Variants in VWC2L observed in about 807,000 individuals in gnomAD.
VWC2L encodes von Willebrand factor C domain-containing protein 2-like.
VWC2L carries 10 observed loss-of-function variants against 21.6 expected under a neutral mutation model. That is an observed-to-expected ratio of 0.46 (90% CI 0.29 to 0.78). The LOEUF (loss-of-function observed/expected upper bound fraction) is 0.78. Ranked by LOEUF, VWC2L falls within the 30% of genes least tolerant of loss-of-function variation. The probability of loss-of-function intolerance (pLI) is 0.10; values close to 1 mark genes in which losing one functional copy is unlikely to be tolerated. For missense variants in VWC2L, 209 were observed against 277.1 expected (o/e 0.75, Z 1.74); for synonymous variants, 96 against 94.3 (o/e 1.02, Z -0.10).
At chr2:214,422,716 G>C (rs897714905) in intron 2 of VWC2L, among the ~76,000 whole-genome samples, 1 of 152,092 alleles carries the variant, frequency 6.6e-6, no homozygotes. Context: ...CTTGCCTCTA[G>C]CCTGCTGTAG....
At chr2:214,416,715 AT>A (rs1328441965) in intron 2 of VWC2L, among the ~76,000 whole-genome samples, 1 of 152,098 alleles carries the variant, frequency 6.6e-6, no homozygotes, top group East Asian at 1.9e-4. Context: ...TTGGATATAA[AT>A]TTTTGAATGG....
intron 3 of VWC2L, among the ~76,000 whole-genome samples, chr2:214,463,722 C>T (rs964639854): frequency 1.3e-5 from 2 of 151,904 alleles, no homozygotes; most frequent in African/African-American, 4.8e-5. Context: ...TTAGTAGTTG[C>T]TTTGAAGTTT....
At chr2:214,432,176 T>C (rs1396062981) in intron 2 of VWC2L, among the ~76,000 whole-genome samples, 1 of 152,244 alleles carries the variant, frequency 6.6e-6, no homozygotes, top group Admixed American at 6.5e-5. Context: ...AAACATAGAT[T>C]ATACATAAAT....
chr2:214,507,904 A>C (rs908434389), intron 3 of VWC2L, among the ~76,000 whole-genome samples: 1 of 152,112 alleles, frequency 6.6e-6, no homozygotes, highest in South Asian at 2.1e-4. Flanking sequence ...ATCTTATTAG[A>C]TGTTATATTC....
intron 3 of VWC2L, among the ~76,000 whole-genome samples, chr2:214,511,006 G>T (rs1689042895): frequency 6.6e-6 from 1 of 152,158 alleles, no homozygotes; most frequent in Non-Finnish European, 1.5e-5. Context: ...TAAAAGTAAG[G>T]CTGGGCATGG....
chr2:214,499,144 G>A (rs1206382868), intron 3 of VWC2L, among the ~76,000 whole-genome samples: 1 of 149,608 alleles, frequency 6.7e-6, no homozygotes, highest in East Asian at 2.0e-4. Flanking sequence ...TCAGCCTCCT[G>A]AGTAGCTGGG....
At chr2:214,417,556 C>T (rs927390199) in intron 2 of VWC2L, among the ~76,000 whole-genome samples, 5 of 151,948 alleles carry the variant, frequency 3.3e-5, no homozygotes, top group African/African-American at 1.2e-4. Flanking sequence ...ATTCCAAAGA[C>T]GAAACTGCCA....
At chr2:214,438,589 T>A (rs1702716455) in intron 3 of VWC2L, among the ~76,000 whole-genome samples, 1 of 152,030 alleles carries the variant, frequency 6.6e-6, no homozygotes, top group Non-Finnish European at 1.5e-5. Context: ...TTAAAACAGT[T>A]TTTACACATG....
At chr2:214,537,100 A>G (rs1313498400) in intron 3 of VWC2L, among the ~76,000 whole-genome samples, 1 of 151,892 alleles carries the variant, frequency 6.6e-6, no homozygotes. Context: ...CCTCTCTCCC[A>G]TAATCTGGGT....
intron 3 of VWC2L, among the ~76,000 whole-genome samples, chr2:214,517,610 G>A (rs944116597): frequency 2.0e-5 from 3 of 152,164 alleles, no homozygotes; most frequent in Non-Finnish European, 2.9e-5. Context: ...GATCCCAGGA[G>A]GAAGAAGCAG....
intron 3 of VWC2L, among the ~76,000 whole-genome samples, chr2:214,554,077 A>C (rs115429855): frequency 0.016 from 2,416 of 152,096 alleles, 55 homozygotes; most frequent in African/African-American, 0.054. Flanking sequence ...CTCTTTCTGC[A>C]CTCACCACTA....
At chr2:214,553,735 C>T (rs979457327) in intron 3 of VWC2L, among the ~76,000 whole-genome samples, 1 of 152,160 alleles carries the variant, frequency 6.6e-6, no homozygotes, top group Non-Finnish European at 1.5e-5. Flanking sequence ...TAAAATGAGG[C>T]ATGTCTAGAC....
chr2:214,450,793 G>C (rs1372778230), intron 3 of VWC2L, among the ~76,000 whole-genome samples: 1 of 152,162 alleles, frequency 6.6e-6, no homozygotes, highest in Non-Finnish European at 1.5e-5. Flanking sequence ...CTTTTCACAT[G>C]TTTTCTCAAT....
chr2:214,552,735 C>T (rs1341853498), intron 3 of VWC2L, among the ~76,000 whole-genome samples: 1 of 152,098 alleles, frequency 6.6e-6, no homozygotes, highest in African/African-American at 2.4e-5. Context: ...CATAGGAATC[C>T]ACTTTCATGA....
chr2:214,413,981 G>T (rs1702315514), intron 1 of VWC2L, 133 bp from the exon 2 acceptor site: 2 of 504,134 alleles, frequency 4.0e-6, no homozygotes, highest in Admixed American at 8.0e-5. Context: ...GGCACAGATA[G>T]TTGCATGAAC....
At chr2:214,516,776 T>C (rs1382858434) in intron 3 of VWC2L, among the ~76,000 whole-genome samples, 2 of 152,136 alleles carry the variant, frequency 1.3e-5, no homozygotes, top group Non-Finnish European at 2.9e-5. Flanking sequence ...CTTTGAGGCA[T>C]GTAGACTTAC....
chr2:214,554,580 T>C (rs1689846473), intron 3 of VWC2L, among the ~76,000 whole-genome samples: 2 of 152,070 alleles, frequency 1.3e-5, no homozygotes, highest in African/African-American at 4.8e-5. Flanking sequence ...GGAGAATCGC[T>C]TGAACCCAGG....
chr2:214,467,189 G>A (rs1235735616), intron 3 of VWC2L, among the ~76,000 whole-genome samples: 1 of 152,120 alleles, frequency 6.6e-6, no homozygotes, highest in Non-Finnish European at 1.5e-5. Flanking sequence ...TTAATCATAA[G>A]GCTTTCTAAT....
chr2:214,487,129 A>G (rs1363667689), intron 3 of VWC2L, among the ~76,000 whole-genome samples: 1 of 152,072 alleles, frequency 6.6e-6, no homozygotes, highest in Admixed American at 6.5e-5. Flanking sequence ...AGCCAGGGAG[A>G]CCTCAAAAGA....
Sources: allele counts gnomAD v4.1 joint callset (sites outside exome capture counted in the v4.1 genomes callset), GRCh38; gene constraint gnomAD v4.1.1; transcripts MANE v1.5; gene names NCBI Gene and HGNC (gene_info 2026-07-23, HGNC 2026-07-21).